Variants in WWP2 observed in about 807,000 individuals in gnomAD.
WWP2 encodes the protein NEDD4-like E3 ubiquitin-protein ligase WWP2.
WWP2 carries 57 observed loss-of-function variants against 121.0 expected under a neutral mutation model. The ratio of observed to expected loss-of-function variants is 0.47; its 90% CI spans 0.38 to 0.59. The LOEUF (loss-of-function observed/expected upper bound fraction) is 0.59, where lower values mean the gene tolerates loss of function less well. Among genes scored for constraint, WWP2 ranks in the 20% least tolerant of loss-of-function variants. The pLI is 0.00. For missense variants in WWP2, 962 were observed against 1,158.9 expected (o/e 0.83, Z 2.47); for synonymous variants, 449 against 441.3 (o/e 1.02, Z -0.22).
chr16:69,841,486 G>T (rs1379668679), intron 5 of WWP2, among the ~76,000 whole-genome samples: 3 of 152,028 alleles, frequency 2.0e-5, no homozygotes, highest in Non-Finnish European at 4.4e-5. Flanking sequence ...GAAGGAGAGA[G>T]AATGGAGGAG....
rs374857599 is a variant in WWP2, at chr16:69,931,242, T to G, written c.1521+15T>G. On this transcript the variant is annotated intron_variant, in intron 14 of 23. Coordinates refer to ENST00000359154, the MANE Select transcript of WWP2 (RefSeq NM_001270454.2). ...TCCTCTGCCATGTGAGTTCTGGTAC[T>G]GGGGCTCCCGTGGCAGTTGGGGTTA... The G allele has an allele frequency of 7.4e-6, 12 of 1,613,884 alleles. No individual in the cohort carries two copies. Among genetic ancestry groups the G allele is most frequent in the Middle Eastern group, 1.7e-4 (1 of 6,038 alleles).
intron 4 of WWP2, among the ~76,000 whole-genome samples, chr16:69,819,354 A>G (rs1017693376): frequency 2.0e-5 from 3 of 152,142 alleles, no homozygotes; most frequent in Non-Finnish European, 4.4e-5. Context: ...TGATGCCTTT[A>G]TGTGTGTCTG....
chr16:69,909,250 G>T, intron 9 of WWP2: 1 of 993,416 alleles, frequency 1.0e-6, no homozygotes, highest in Non-Finnish European at 1.2e-6. Context: ...GAAGGGGTTT[G>T]GTTCCCTGTC....
At chr16:69,802,750 C>A (rs559644498) in intron 4 of WWP2, among the ~76,000 whole-genome samples, 3 of 151,828 alleles carry the variant, frequency 2.0e-5, no homozygotes, top group African/African-American at 7.3e-5. Context: ...ATGACAGGTA[C>A]CTGCCACCAT....
chr16:69,820,854 A>T (rs1160905189), intron 4 of WWP2, among the ~76,000 whole-genome samples: 1 of 147,522 alleles, frequency 6.8e-6, no homozygotes, highest in Non-Finnish European at 1.5e-5. Context: ...ACACACACAC[A>T]CACGACGTTG....
At position 69,876,377 on chromosome 16, in the gene WWP2, G is replaced by A. The variant is rs1280225475; in HGVS notation, c.703+4446G>A. ...GGGTTTTTTTTTTTTTTCGTTTTTTGTTTTTGAGATGCAGTCTCACTCTGT... is the reference window on the plus strand; with the variant it reads ...GGGTTTTTTTTTTTTTTCGTTTTTTATTTTTGAGATGCAGTCTCACTCTGT... On this transcript the variant is annotated intron_variant, in intron 7 of 23. Transcript: ENST00000359154. Among the ~76,000 whole-genome samples the A allele has an allele frequency of 6.0e-5, 7 of 116,182 alleles. No homozygotes were observed. The East Asian group carries it at 1.9e-3, about 31-fold the overall frequency. 76.2% of individuals were successfully genotyped at this position (116,182 alleles called of 152,430 possible).
chr16:69,821,864 CTTTGT>C (rs900435805), intron 4 of WWP2, among the ~76,000 whole-genome samples: 2 of 150,406 alleles, frequency 1.3e-5, no homozygotes, highest in Admixed American at 1.3e-4. Context: ...GGCTATTTTT[CTTTGT>C]TTTGTTTTTT....
At chr16:69,853,436 C>T (rs1242371652) in intron 6 of WWP2, among the ~76,000 whole-genome samples, 3 of 152,226 alleles carry the variant, frequency 2.0e-5, no homozygotes, top group African/African-American at 2.4e-5. Flanking sequence ...ACCACCACCA[C>T]AGGACAAATG....
chr16:69,804,722 C>T (rs955657976), intron 4 of WWP2, among the ~76,000 whole-genome samples: 1 of 152,000 alleles, frequency 6.6e-6, no homozygotes, highest in African/African-American at 2.4e-5. Context: ...TCCCCATGCC[C>T]CCTAAAAAAT....
At chr16:69,927,458 T>C (rs1192789388) in intron 11 of WWP2, among the ~76,000 whole-genome samples, 1 of 152,182 alleles carries the variant, frequency 6.6e-6, no homozygotes, top group Admixed American at 6.5e-5. Context: ...TATGTCTGAG[T>C]CCCTTTGTCC....
chr16:69,841,596 C>T (rs369570022), intron 5 of WWP2, among the ~76,000 whole-genome samples: 3 of 152,092 alleles, frequency 2.0e-5, no homozygotes, highest in African/African-American at 7.2e-5. Flanking sequence ...AAGGGTTTCT[C>T]GCAGAAGACT....
At chr16:69,831,724 AC>A (rs1229881730) in intron 4 of WWP2, among the ~76,000 whole-genome samples, 1 of 151,412 alleles carries the variant, frequency 6.6e-6, no homozygotes, top group East Asian at 1.9e-4. Flanking sequence ...TGTGTCTTCT[AC>A]CTTTTTATAT....
chr16:69,939,248 T>G, intron 22 of WWP2, 93 bp from the exon 23 acceptor site: 1 of 1,572,332 alleles, frequency 6.4e-7, no homozygotes. Flanking sequence ...CTCTGCATCC[T>G]GGGGCCGAGC....
intron 4 of WWP2, among the ~76,000 whole-genome samples, chr16:69,820,105 C>T (rs2056565154): frequency 6.6e-6 from 1 of 152,132 alleles, no homozygotes. Flanking sequence ...TGGTTGTCCA[C>T]ACCTGTAGTC....
intron 2 of WWP2, among the ~76,000 whole-genome samples, chr16:69,795,550 G>C (rs1175617013): frequency 6.7e-6 from 1 of 149,032 alleles, no homozygotes; most frequent in Admixed American, 6.8e-5. Flanking sequence ...ACATAGAACA[G>C]AAAGCAAATG....
intron 6 of WWP2, among the ~76,000 whole-genome samples, chr16:69,848,684 A>G (rs967677786): frequency 3.3e-5 from 5 of 151,688 alleles, no homozygotes; most frequent in East Asian, 1.9e-4. Context: ...AGAGCCTTCA[A>G]CAATTTATTT....
chr16:69,775,853 G>GTA (rs1457286893), intron 1 of WWP2, among the ~76,000 whole-genome samples: 2 of 152,160 alleles, frequency 1.3e-5, no homozygotes, highest in African/African-American at 4.8e-5. Flanking sequence ...TAGTCCATTA[G>GTA]TATTGTTAGT....
intron 1 of WWP2, among the ~76,000 whole-genome samples, chr16:69,766,417 C>G (rs1007396384): frequency 2.6e-5 from 4 of 152,194 alleles, no homozygotes; most frequent in African/African-American, 9.7e-5. Flanking sequence ...TGGATCCTGT[C>G]CACTCCACTG....
At chr16:69,791,625 C>T (rs527595694) in intron 2 of WWP2, among the ~76,000 whole-genome samples, 1 of 152,050 alleles carries the variant, frequency 6.6e-6, no homozygotes, top group South Asian at 2.1e-4. Flanking sequence ...CTCAAGCAAT[C>T]CTCCTGCCTC....
Sources: gnomAD v4.1 joint callset for allele counts (sites outside exome capture counted in the v4.1 genomes callset) on GRCh38, gnomAD v4.1.1 for gene constraint, MANE v1.5 for transcripts, NCBI Gene and HGNC (gene_info 2026-07-23, HGNC 2026-07-21) for gene names.